The following COL4A5 variants were observed in gnomAD, a reference collection of about 807,000 sequenced individuals.
COL4A5 encodes the protein collagen alpha-5(IV) chain.
A neutral mutation model predicts 130.2 loss-of-function variants in COL4A5; 26 were observed. That is an observed-to-expected ratio of 0.20 (90% CI 0.15 to 0.28). The LOEUF (loss-of-function observed/expected upper bound fraction) is 0.28. Among genes scored for constraint, COL4A5 ranks in the 10% least tolerant of loss-of-function variants. COL4A5 has a pLI of 1.00. For missense variants in COL4A5, 1,131 were observed against 1,344.3 expected, an observed-to-expected ratio of 0.84 and a Z score of 2.48; for synonymous variants, 496 against 439.6, an observed-to-expected ratio of 1.13 and a Z score of -1.60.
At chrX:108,594,220 T>C (rs969890096) in intron 21 of COL4A5, among the ~76,000 whole-genome samples, 5 of 111,772 alleles carry the variant, frequency 4.5e-5, no homozygotes, top group Non-Finnish European at 9.4e-5. Flanking sequence ...TTGATTCCCC[T>C]CTTCTTTTGT....
Position 108,559,038 on chromosome X carries a change from T to C in COL4A5, c.142-26T>C, listed in dbSNP as rs374514674. The C allele has an allele frequency of 4.0e-5, 46 of 1,143,627 alleles. 1 individual carries two copies. Among genetic ancestry groups the C allele is most frequent in the Non-Finnish European group, 3.7e-5 (31 of 834,446 alleles). The allele number at this position is 1,143,627 out of a possible 1,213,427, so 94.2% of individuals were successfully genotyped here. A position where few individuals can be genotyped will look rare whatever the true frequency, so the allele number is the denominator to read the frequency against. ...GTGCTTGAAAATTCACAAATGACCT[T>C]ACCTTTCATTCTCATTTAATTGCAG... is the stretch of plus-strand genomic sequence containing the variant. On this transcript the variant is annotated intron_variant, in intron 2 of 52. Coordinates refer to ENST00000328300, the MANE Select transcript of COL4A5 (RefSeq NM_033380.3).
Position 108,668,335 on chromosome X carries a change from A to G in COL4A5, c.3621A>G (p.Gly1207=), listed in dbSNP as rs2147959037. 1 of 1,210,858 alleles carries G rather than the reference A, an allele frequency of 8.3e-7. No homozygotes were observed. The highest frequency in any genetic ancestry group is 1.1e-6 in the Non-Finnish European group (1 of 894,910). ...CTTTCATAGGCCAAAAGGGTGATGG[A>G]GGATTACCTGGGATTCCAGGAAATC... The part of the protein sequence containing the change: ...LPGLSGQKGD[G]GLPGIPGNPG... Residue 1207 remains glycine, a synonymous_variant, in exon 41 of 53, where the codon GGA becomes GGG. Coordinates refer to ENST00000328300, the MANE Select transcript of COL4A5 (RefSeq NM_033380.3).
intron 1 of COL4A5, among the ~76,000 whole-genome samples, chrX:108,523,476 C>G (rs2065285762): frequency 1.8e-5 from 2 of 112,242 alleles, no homozygotes; most frequent in Non-Finnish European, 3.8e-5. Context: ...CAGTACCACA[C>G]TGGTTTGATT....
intron 36 of COL4A5, among the ~76,000 whole-genome samples, chrX:108,652,018 G>T (rs2067741142): frequency 9.0e-6 from 1 of 111,412 alleles, no homozygotes; most frequent in Non-Finnish European, 1.9e-5. Flanking sequence ...ATACAATATG[G>T]TGCCTACAGT....
chrX:108,600,495 A>T (rs1023746713), intron 25 of COL4A5, among the ~76,000 whole-genome samples: 1 of 111,674 alleles, frequency 9.0e-6, no homozygotes, highest in African/African-American at 3.3e-5. Flanking sequence ...TGTACCTATT[A>T]GCCAAAAAAA....
chrX:108,476,030 C>A (rs2064829782), intron 1 of COL4A5, among the ~76,000 whole-genome samples: 1 of 111,196 alleles, frequency 9.0e-6, no homozygotes, highest in South Asian at 3.8e-4. Flanking sequence ...AAGAAATCAT[C>A]TAGCCCAAAA....
chrX:108,507,247 C>CAAAAA (rs1195605237), intron 1 of COL4A5, among the ~76,000 whole-genome samples: 1 of 50,874 alleles, frequency 2.0e-5, no homozygotes, highest in Non-Finnish European at 4.2e-5. Context: ...ACAACAACAA[C>CAAAAA]AAAAAAAAAA....
chrX:108,595,512 A>C lies in COL4A5; in HGVS notation c.1427A>C (p.Asp476Ala), dbSNP rs1274398880. The C allele has an allele frequency of 8.3e-7, 1 of 1,210,050 alleles. No homozygotes were observed. Among genetic ancestry groups the C allele is most frequent in the African/African-American group, 1.7e-5 (1 of 57,361 alleles). The change falls in exon 22 of 53, where the codon GAC becomes GCC. Residue 476 changes from aspartate to alanine, a missense_variant. Asp to Ala is a moderately radical substitution (Grantham distance 126, BLOSUM62 -2). Coordinates refer to ENST00000328300, the MANE Select transcript of COL4A5 (RefSeq NM_033380.3). The stretch of plus-strand genomic sequence containing the variant: ...TTTGTTATTATGATTTCACTAGGTG[A>C]CAAAGGTGACACTTGCTTCAACTGC... ...GLQGEQGVKGDKGDTCFNCIG... is the reference protein window; with the variant it reads ...GLQGEQGVKGAKGDTCFNCIG...
Position 108,606,208 on chromosome X carries a change from G to A in COL4A5, c.2245-534G>A, listed in dbSNP as rs1210614719. On this transcript the variant is annotated intron_variant, in intron 28 of 52. Coordinates refer to ENST00000328300, the MANE Select transcript of COL4A5 (RefSeq NM_033380.3). ...AAAAGTAAAATGAATAATACAATGA[G>A]CTTTCACATATCCATCACCCAGATT... Among the ~76,000 whole-genome samples, 8 of 111,705 alleles carry A rather than the reference G, an allele frequency of 7.2e-5. No homozygotes were observed. In the East Asian group the frequency reaches 1.7e-3, roughly 23 times the overall value.
chrX:108,556,296 A>G (rs1046885917), intron 2 of COL4A5, among the ~76,000 whole-genome samples: 9 of 112,076 alleles, frequency 8.0e-5, no homozygotes, highest in Non-Finnish European at 1.7e-4. Flanking sequence ...TTTGGTATAT[A>G]GAAAACACTA....
intron 28 of COL4A5, among the ~76,000 whole-genome samples, chrX:108,605,057 A>G (rs1176173323): frequency 8.9e-6 from 1 of 112,147 alleles, no homozygotes; most frequent in Non-Finnish European, 1.9e-5. Flanking sequence ...TATCAGCAAT[A>G]GGGCTGTTTT....
At chrX:108,562,371 T>C (rs1269964590) in intron 3 of COL4A5, among the ~76,000 whole-genome samples, 1 of 112,024 alleles carries the variant, frequency 8.9e-6, no homozygotes. Context: ...GGACTGAGTT[T>C]CTTGCACCCC....
chrX:108,564,979 T>C (rs1216354532), intron 4 of COL4A5, among the ~76,000 whole-genome samples: 1 of 105,954 alleles, frequency 9.4e-6, no homozygotes, highest in Non-Finnish European at 1.9e-5. Context: ...GACATAATTC[T>C]TTATTTTTCT....
At chrX:108,451,399 A>G (rs2051137055) in intron 1 of COL4A5, among the ~76,000 whole-genome samples, 1 of 111,973 alleles carries the variant, frequency 8.9e-6, no homozygotes, top group South Asian at 3.7e-4. Context: ...TTCTAGTTCT[A>G]GAACCCTGAG....
At chrX:108,619,952 T>A (rs1029152307) in intron 30 of COL4A5, among the ~76,000 whole-genome samples, 1 of 112,561 alleles carries the variant, frequency 8.9e-6, no homozygotes, top group African/African-American at 3.2e-5. Flanking sequence ...CATCTTTGGC[T>A]TTTTATTCAG....
chrX:108,680,896 C>T lies in COL4A5; in HGVS notation c.4027C>T (p.Pro1343Ser). 8.3e-7 allele frequency: 1 copy of T among 1,210,524 alleles called. No homozygotes were observed. The highest frequency in any genetic ancestry group is 1.1e-6 in the Non-Finnish European group (1 of 894,488). Residue 1343 changes from proline to serine, a missense_variant, in exon 46 of 53, where the codon CCC becomes TCC. By Grantham distance (74) the Pro-to-Ser change is moderately conservative. Transcript: ENST00000328300. ...GVPGFPGMKGPSGVPGSAGPE... is the reference protein window; with the variant it reads ...GVPGFPGMKGSSGVPGSAGPE... ...TACCTTCTGTGCAGGCATGAAAGGA[C>T]CCAGTGGAGTACCTGGATCAGCTGG...
chrX:108,519,518 C>G (rs1444635470), intron 1 of COL4A5, among the ~76,000 whole-genome samples: 2 of 111,036 alleles, frequency 1.8e-5, no homozygotes, highest in Non-Finnish European at 3.8e-5. Context: ...ATGATGTACT[C>G]TTTGTGCTAC....
intron 1 of COL4A5, among the ~76,000 whole-genome samples, chrX:108,512,240 C>T (rs2065185159): frequency 9.0e-6 from 1 of 111,730 alleles, no homozygotes; most frequent in African/African-American, 3.3e-5. Flanking sequence ...AATCCATTCC[C>T]CATCATGTTA....
intron 17 of COL4A5, among the ~76,000 whole-genome samples, chrX:108,583,272 T>G (rs2066279567): frequency 8.9e-6 from 1 of 111,961 alleles, no homozygotes; most frequent in Non-Finnish European, 1.9e-5. Context: ...TTTAGTGAGG[T>G]CCTCTTACTA....
Sources: gnomAD v4.1 joint callset for allele counts (sites outside exome capture counted in the v4.1 genomes callset) on GRCh38, gnomAD v4.1.1 for gene constraint, MANE v1.5 for transcripts, NCBI Gene and HGNC (gene_info 2026-07-23, HGNC 2026-07-21) for gene names.